MAD1L1: variants seen among roughly 807,000 people sequenced by gnomAD.
The protein encoded by MAD1L1 is mitotic spindle assembly checkpoint protein MAD1.
In MAD1L1, 95 loss-of-function variants were observed where a neutral mutation model predicts 96.9. The observed-to-expected ratio is 0.98, with a 90% CI of 0.83 to 1.16. The LOEUF is 1.16. Ranked by LOEUF, MAD1L1 falls within the 50% of genes most tolerant of loss-of-function variation. The probability of loss-of-function intolerance (pLI) is 0.00; values close to 1 mark genes in which losing one functional copy is unlikely to be tolerated. For missense variants in MAD1L1, 1,007 were observed against 954.4 expected (o/e 1.06, Z -0.73); for synonymous variants, 473 against 396.6 (o/e 1.19, Z -2.29).
At chr7:1,915,640 C>A (rs985306907) in intron 17 of MAD1L1, among the ~76,000 whole-genome samples, 1 of 152,224 alleles carries the variant, frequency 6.6e-6, no homozygotes, top group Non-Finnish European at 1.5e-5. Context: ...GTCGCCGGCA[C>A]AGAAGACAGC....
intron 18 of MAD1L1, among the ~76,000 whole-genome samples, chr7:1,831,907 T>C (rs1782721031): frequency 6.6e-6 from 1 of 152,228 alleles, no homozygotes; most frequent in Admixed American, 6.5e-5. Context: ...TATTGCTCAC[T>C]GACAATGCAA....
At chr7:2,179,284 C>CT (rs1791079757) in intron 10 of MAD1L1, among the ~76,000 whole-genome samples, 1 of 152,046 alleles carries the variant, frequency 6.6e-6, no homozygotes, top group Non-Finnish European at 1.5e-5. Flanking sequence ...AATCCCAGCA[C>CT]TTTGGGAGGC....
intron 11 of MAD1L1, among the ~76,000 whole-genome samples, chr7:2,084,280 G>A (rs895385419): frequency 8.5e-5 from 13 of 152,362 alleles, no homozygotes; most frequent in African/African-American, 3.1e-4. Context: ...AGGGGGGACA[G>A]AAAGGGCCTG....
At chr7:2,051,593 G>A (rs1784172479) in intron 12 of MAD1L1, among the ~76,000 whole-genome samples, 1 of 151,966 alleles carries the variant, frequency 6.6e-6, no homozygotes, top group African/African-American at 2.4e-5. Flanking sequence ...CATGAAGACT[G>A]GGCCTTCCCT....
At chr7:2,216,095 G>T in intron 8 of MAD1L1, 62 bp downstream of exon 8, 1 of 1,607,612 alleles carries the variant, frequency 6.2e-7, no homozygotes, top group Non-Finnish European at 8.5e-7. Flanking sequence ...TGCACAGTGG[G>T]CTCCATGTGC....
chr7:2,102,050 C>T (rs1014437579), intron 11 of MAD1L1, among the ~76,000 whole-genome samples: 1 of 152,026 alleles, frequency 6.6e-6, no homozygotes, highest in African/African-American at 2.4e-5. Flanking sequence ...GTCTCCCCAG[C>T]AGAAGAGGCT....
intron 11 of MAD1L1, among the ~76,000 whole-genome samples, chr7:2,099,187 T>C (rs560146388): frequency 5.5e-4 from 83 of 152,254 alleles, no homozygotes; most frequent in Admixed American, 1.4e-3. Flanking sequence ...CCGCTAACAC[T>C]GGTGACCAGA....
rs1314621348 is a variant in MAD1L1, at chr7:1,886,089, A to T, written c.1998+12111T>A. 2.6e-5 allele frequency among the ~76,000 whole-genome samples: 4 copies of T among 152,028 alleles called. No individual in the cohort carries two copies. The East Asian group carries it at 7.8e-4, about 29-fold the overall frequency. On this transcript the variant is annotated intron_variant, in intron 18 of 18. Coordinates refer to ENST00000265854, the MANE Select transcript of MAD1L1 (RefSeq NM_001013836.2). ...AGCCTCATCCCAGCAACCTGCAGAG[A>T]CCCGTGGGCATGTTTACCTTCTCGT... is the stretch of plus-strand genomic sequence containing the variant.
chr7:2,100,153 A>T (rs551284406), intron 11 of MAD1L1, among the ~76,000 whole-genome samples: 2 of 152,320 alleles, frequency 1.3e-5, no homozygotes, highest in East Asian at 1.9e-4. Context: ...ACAGGTGCAC[A>T]CTGCTTTACG....
chr7:2,103,456 T>C lies in MAD1L1; in HGVS notation c.1074-34118A>G, dbSNP rs1786922947. Reference sequence around the variant, plus strand: ...CCTGAGAGGACAGAGGGTGAGGCGATACAGCAGTGCAGCAGATCTCACCCG... The same window carrying C: ...CCTGAGAGGACAGAGGGTGAGGCGACACAGCAGTGCAGCAGATCTCACCCG... On this transcript the variant is annotated intron_variant, in intron 11 of 18. Transcript: ENST00000265854. This position sits in a 1 kb window ranked among gnomAD's most constrained non-coding sequence, Gnocchi z 4.3. Among the ~76,000 whole-genome samples the C allele has an allele frequency of 1.3e-5, 2 of 152,078 alleles. No homozygotes were observed. Among genetic ancestry groups the C allele is most frequent in the African/African-American group, 4.8e-5 (2 of 41,406 alleles).
chr7:1,937,708 G>C (rs1444686834), intron 16 of MAD1L1, among the ~76,000 whole-genome samples: 2 of 106,426 alleles, frequency 1.9e-5, no homozygotes, highest in East Asian at 5.5e-4. Context: ...ACAGCAGGGA[G>C]GTGCAGGGTC....
chr7:2,043,408 G>T lies in MAD1L1; in HGVS notation c.1218+25786C>A, dbSNP rs150880506. 7.6e-4 allele frequency among the ~76,000 whole-genome samples: 116 copies of T among 152,340 alleles called. 1 individual carries two copies. The highest frequency in any genetic ancestry group is 2.5e-3 in the African/African-American group (104 of 41,572). Reference sequence around the variant, plus strand: ...GACACAAGGACGTGAAAGCAAGGAAGAGCTCTTTAATTAACTTTAATCCTC... The same window carrying T: ...GACACAAGGACGTGAAAGCAAGGAATAGCTCTTTAATTAACTTTAATCCTC... On this transcript the variant is annotated intron_variant, in intron 12 of 18. Transcript: ENST00000265854.
chr7:1,979,827 G>A (rs956205747), intron 15 of MAD1L1, among the ~76,000 whole-genome samples: 2 of 152,206 alleles, frequency 1.3e-5, no homozygotes, highest in African/African-American at 4.8e-5. Flanking sequence ...GCACTGCCAT[G>A]CAGCCCCTGC....
chr7:2,053,491 G>A (rs946123979), intron 12 of MAD1L1, among the ~76,000 whole-genome samples: 10 of 152,240 alleles, frequency 6.6e-5, no homozygotes, highest in Admixed American at 6.5e-4. Flanking sequence ...TCAATGCTAT[G>A]AGCCGGACGC....
chr7:2,013,763 T>A (rs1212170653), intron 13 of MAD1L1, among the ~76,000 whole-genome samples: 1 of 152,086 alleles, frequency 6.6e-6, no homozygotes. Flanking sequence ...CTGGGAACGG[T>A]GTGCTAGGAG....
chr7:1,998,190 A>G (rs1339040393), intron 14 of MAD1L1, among the ~76,000 whole-genome samples: 1 of 152,176 alleles, frequency 6.6e-6, no homozygotes, highest in African/African-American at 2.4e-5. Context: ...CCAGCACTCC[A>G]GGGGCGGCCA....
intron 11 of MAD1L1, among the ~76,000 whole-genome samples, chr7:2,098,732 T>G (rs1786628137): frequency 6.6e-6 from 1 of 151,908 alleles, no homozygotes; most frequent in South Asian, 2.1e-4. Context: ...ACCCGATAGC[T>G]GCCCGGCATG....
rs867766807 is a variant in MAD1L1 at position 1,904,281 on chromosome 7, C to T, written c.1808-5891G>A. 1.1e-3 allele frequency among the ~76,000 whole-genome samples: 145 copies of T among 128,730 alleles called. 2 individuals are homozygous for T. Among genetic ancestry groups the T allele is most frequent in the South Asian group, 2.9e-3 (11 of 3,744 alleles). 84.5% of individuals were successfully genotyped at this position (128,730 alleles called of 152,430 possible). On this transcript the variant is annotated intron_variant, in intron 17 of 18. Transcript: ENST00000265854. ...GAAGCACTGTTCCAGGCAGTGAGGA[C>T]GCAGTGGCCTATGGAAGACGCTCTT...
intron 17 of MAD1L1, among the ~76,000 whole-genome samples, chr7:1,924,680 A>C (rs1788996178): frequency 6.6e-6 from 1 of 152,220 alleles, no homozygotes; most frequent in African/African-American, 2.4e-5. Flanking sequence ...GGAAAGAAGG[A>C]AGAGGCAAAA....
Sources: allele counts gnomAD v4.1 joint callset (sites outside exome capture counted in the v4.1 genomes callset), GRCh38; gene constraint gnomAD v4.1.1; non-coding constraint Gnocchi (gnomAD v3.1); transcripts MANE v1.5; gene names NCBI Gene and HGNC (gene_info 2026-07-23, HGNC 2026-07-21).